Variants in ZNF606 observed in about 807,000 individuals in gnomAD.
ZNF606 encodes the protein zinc finger protein 606.
A neutral mutation model predicts 74.9 loss-of-function variants in ZNF606; 37 were observed. That is an observed-to-expected ratio of 0.49 (90% confidence interval 0.38 to 0.65). The LOEUF is 0.65. Ranked by LOEUF, ZNF606 falls within the 30% of genes least tolerant of loss-of-function variation. ZNF606 has a pLI of 0.00. For synonymous variants in ZNF606, 328 were observed against 312.4 expected (o/e 1.05, Z -0.53); for missense variants, 852 against 952.9 (o/e 0.89, Z 1.39).
chr19:58,002,902 T>C (rs758781694), upstream of ZNF606: 7 of 445,270 alleles, frequency 1.6e-5, no homozygotes, highest in South Asian at 3.2e-5. Flanking sequence ...CCATGACAGG[T>C]TCCTGGGCCG....
Position 57,978,598 on chromosome 19 carries a change from G to A in ZNF606, c.2082C>T (p.His694=), listed in dbSNP as rs2073025993. 1.9e-6 allele frequency: 3 copies of A among 1,613,700 alleles called. No homozygotes were observed. The highest frequency in any genetic ancestry group is 2.7e-5 in the African/African-American group (2 of 74,828). Reference sequence around the variant, plus strand: ...TATGAGTTCTCCGGTGTGCAATGAGGTGAGAACTACAGTTAAAGGATCTTT... The same window carrying A: ...TATGAGTTCTCCGGTGTGCAATGAGATGAGAACTACAGTTAAAGGATCTTT... The part of the protein sequence containing the change: ...QCERSFNCSS[H]LIAHRRTHTG... The change falls in exon 7 of 7, where the codon CAC becomes CAT. Residue 694 remains histidine, a synonymous_variant. Transcript: ENST00000551380. The surrounding 1 kb of genome is among the most constrained non-coding windows in gnomAD (Gnocchi z 4.4).
chr19:57,987,783 G>A (rs1016749479), intron 6 of ZNF606, among the ~76,000 whole-genome samples: 3 of 152,072 alleles, frequency 2.0e-5, no homozygotes, highest in Admixed American at 1.3e-4. Flanking sequence ...AGCCGAGATC[G>A]CACCACTGCA....
In ZNF606 at chr19:57,999,784, G is replaced by T. The variant is rs767548640; in HGVS notation, c.177+24C>A. 15 of 1,609,876 alleles carry T rather than the reference G, an allele frequency of 9.3e-6. No homozygotes were observed. In the African/African-American group the frequency reaches 1.9e-4, roughly 20 times the overall value. On this transcript the variant is annotated intron_variant, in intron 4 of 6. Coordinates refer to ENST00000551380, the MANE Select transcript of ZNF606 (RefSeq NM_001348022.3). ...AGGGATAACCTGGACATCATCCTCT[G>T]GGAACAGGACAGCCCCATCTCACCT...
chr19:57,994,839 C>G (rs1025096161), intron 4 of ZNF606, among the ~76,000 whole-genome samples: 63 of 152,114 alleles, frequency 4.1e-4, no homozygotes, highest in African/African-American at 1.4e-3. Context: ...GGGAGACTGA[C>G]AAGTAGCTTC....
At position 58,001,314 on chromosome 19, in the gene ZNF606, T is replaced by G. The variant is rs1236012428; in HGVS notation, c.6A>C (p.Ala2=). 1 of 1,614,066 alleles carries G rather than the reference T, an allele frequency of 6.2e-7. No homozygotes were observed. Among genetic ancestry groups the G allele is most frequent in the Non-Finnish European group, 8.5e-7 (1 of 1,180,032 alleles). Residue 2 remains alanine, a synonymous_variant, in exon 2 of 7, where the codon GCA becomes GCC. Transcript: ENST00000551380. The part of the protein sequence containing the change: M[A]AINPWASWGA... ...CCCAGGAGGCCCACGGGTTGATGGC[T>G]GCCATCCCGAGGACTGATTGACCAG...
intron 4 of ZNF606, chr19:57,997,941 G>C (rs1439398578): frequency 6.6e-6 from 1 of 152,130 alleles, no homozygotes; most frequent in Non-Finnish European, 1.5e-5. Flanking sequence ...ATCTCACCTG[G>C]ACCAGGGATA....
chr19:58,002,253 G>A (rs1316600291), intron 1 of ZNF606, 143 bp downstream of exon 1: 1 of 456,800 alleles, frequency 2.2e-6, no homozygotes, highest in Non-Finnish European at 4.4e-6. Context: ...GGGGAGAAAC[G>A]ACGGCTGGGG....
Position 57,979,100 on chromosome 19 carries a change from A to T in ZNF606, c.1580T>A (p.Leu527His), listed in dbSNP as rs965459648. ...CGKSFSWSSH[L>H]IAHMRMHTGE... ...AGTATGCATTCTCATATGGGCAATA[A>T]GATGGGAGCTCCAGCTGAATGATTT... The change falls in exon 7 of 7, where the codon CTT becomes CAT. Residue 527 changes from leucine to histidine, a missense_variant. Physicochemically the swap from Leu to His is moderately conservative, Grantham distance 99 (BLOSUM62 -3). Coordinates refer to ENST00000551380, the MANE Select transcript of ZNF606 (RefSeq NM_001348022.3). 4 of 1,614,054 alleles carry T rather than the reference A, an allele frequency of 2.5e-6. No homozygotes were observed. Among genetic ancestry groups the T allele is most frequent in the Non-Finnish European group, 3.4e-6 (4 of 1,180,054 alleles).
At position 57,978,371 on chromosome 19, in the gene ZNF606, C is replaced by A. The variant is rs2073021735; in HGVS notation, c.2309G>T (p.Gly770Val). Residue 770 changes from glycine (G) to valine (V), a missense_variant, in exon 7 of 7, where the codon GGA becomes GTA. Physicochemically the swap from Gly to Val is moderately radical, Grantham distance 109. Transcript: ENST00000551380. The surrounding 1 kb of genome is among the most constrained non-coding windows in gnomAD (Gnocchi z 4.4). ...GGCTGAGTGACCACTAAAGGCTTTT[C>A]CACATTCACTGCATATAAAGCGTTT... Reference protein sequence around the residue: ...GEKRFICSECGKAFSGHSALL... With the variant: ...GEKRFICSECVKAFSGHSALL... 6.2e-7 allele frequency: 1 copy of A among 1,609,586 alleles called. No individual in the cohort carries two copies. Among genetic ancestry groups the A allele is most frequent in the Non-Finnish European group, 8.5e-7 (1 of 1,176,268 alleles).
chr19:57,984,320 G>A (rs573977103), intron 6 of ZNF606, among the ~76,000 whole-genome samples: 19 of 152,354 alleles, frequency 1.2e-4, no homozygotes, highest in African/African-American at 4.6e-4. Context: ...TGGGAGAAGT[G>A]TAAGGACAGA....
intron 4 of ZNF606, among the ~76,000 whole-genome samples, chr19:57,994,187 G>T (rs1321242808): frequency 2.0e-5 from 3 of 152,096 alleles, no homozygotes; most frequent in Non-Finnish European, 4.4e-5. Flanking sequence ...ACTAAGAAAA[G>T]AACAGAAGAC....
intron 4 of ZNF606, among the ~76,000 whole-genome samples, chr19:57,997,130 T>TG (rs1423127055): frequency 1.3e-5 from 2 of 152,216 alleles, no homozygotes; most frequent in Non-Finnish European, 1.5e-5. Context: ...TGACCAAGCA[T>TG]GGGTGCAGAC....
rs181657178 is a variant in ZNF606, at chr19:57,990,579, C to T, written c.178-1858G>A. 3.8e-4 allele frequency among the ~76,000 whole-genome samples: 58 copies of T among 151,698 alleles called. No individual in the cohort carries two copies. In the East Asian group the frequency reaches 0.011, roughly 29 times the overall value. On this transcript the variant is annotated intron_variant, in intron 4 of 6. Coordinates refer to ENST00000551380, the MANE Select transcript of ZNF606 (RefSeq NM_001348022.3). ...AAAAAAAAATCAACCGCAAGACACC[C>T]GCTCAACAGACACGTGTGCAGTATA...
chr19:58,002,290 A>G (rs1259343336), intron 1 of ZNF606, 106 bp downstream of exon 1: 1 of 456,692 alleles, frequency 2.2e-6, no homozygotes, highest in South Asian at 1.5e-5. Context: ...CGTCCCATCA[A>G]TGGCCTCAGA....
At chr19:58,000,957 T>C (rs113132677) in intron 2 of ZNF606, among the ~76,000 whole-genome samples, 2 of 152,194 alleles carry the variant, frequency 1.3e-5, no homozygotes, top group Non-Finnish European at 2.9e-5. Context: ...ACCAATGCTA[T>C]ATAAGTAAAA....
chr19:57,993,667 G>A (rs1343649597), intron 4 of ZNF606, among the ~76,000 whole-genome samples: 8 of 152,222 alleles, frequency 5.3e-5, no homozygotes, highest in African/African-American at 7.2e-5. Flanking sequence ...AAAGTCCCAG[G>A]AGCCTCCTCA....
intron 6 of ZNF606, among the ~76,000 whole-genome samples, chr19:57,987,213 A>T (rs2073176967): frequency 6.6e-6 from 1 of 152,172 alleles, no homozygotes; most frequent in Non-Finnish European, 1.5e-5. Flanking sequence ...GAATAACAGT[A>T]ATGTGAGTAA....
chr19:57,978,890 T>C lies in ZNF606; in HGVS notation c.1790A>G (p.Asn597Ser). The change falls in exon 7 of 7, where the codon AAC (asparagine) becomes AGC (serine). Residue 597 changes from asparagine (N) to serine (S), a missense_variant. Physicochemically the swap from Asn to Ser is conservative, Grantham distance 46. Around this residue, in one of 3 missense-constraint regions of ZNF606, gnomAD observed 243 missense variants for 359.2 expected, o/e 0.68. Transcript: ENST00000551380. The surrounding 1 kb of genome is among the most constrained non-coding windows in gnomAD (Gnocchi z 4.4). ...QRTHTGEKPYNCQECGKAFRE... is the reference protein window; with the variant it reads ...QRTHTGEKPYSCQECGKAFRE... ...GAATGCTTTGCCACATTCCTGACAG[T>C]TATATGGTTTCTCTCCCGTGTGAGT... The C allele has an allele frequency of 6.2e-7, 1 of 1,614,082 alleles. No homozygotes were observed.
intron 3 of ZNF606, 77 bp downstream of exon 3, chr19:58,000,606 A>G (rs2073408581): frequency 6.7e-7 from 1 of 1,493,218 alleles, no homozygotes; most frequent in South Asian, 1.1e-5. Flanking sequence ...TCCCCATTCT[A>G]TTCCCCAGCT....
Sources: gnomAD v4.1 joint callset for allele counts (sites outside exome capture counted in the v4.1 genomes callset) on GRCh38, gnomAD v4.1.1 for gene constraint, gnomAD v4.1.1 regional missense constraint, Gnocchi (gnomAD v3.1) non-coding constraint, MANE v1.5 for transcripts, NCBI Gene and HGNC (gene_info 2026-07-23, HGNC 2026-07-21) for gene names.